Variants in GAS2 observed in about 807,000 individuals in gnomAD.
GAS2 encodes the protein growth arrest-specific protein 2.
A neutral mutation model predicts 37.5 loss-of-function variants in GAS2; 20 were observed. The ratio of observed to expected loss-of-function variants is 0.53; its 90% CI spans 0.37 to 0.77. The LOEUF is 0.77. Ranked by LOEUF, GAS2 falls within the 30% of genes least tolerant of loss-of-function variation. GAS2 has a pLI of 0.00. For synonymous variants in GAS2, 144 were observed against 132.2 expected (o/e 1.09, Z -0.61); for missense variants, 336 against 373.4 (o/e 0.90, Z 0.82).
rs139513113 is a variant in GAS2, at chr11:22,711,496, G to A, written c.268-14796G>A. On this transcript the variant is annotated intron_variant, in intron 3 of 7. Transcript: ENST00000454584. ...TTCCTGAGCAGAATCAGGGGGAGAC[G>A]GGGAAAACAGGTAGTGCAGATACAA... 9.9e-5 allele frequency among the ~76,000 whole-genome samples: 15 copies of A among 152,272 alleles called. No homozygotes were observed. The East Asian group carries it at 2.9e-3, about 29-fold the overall frequency.
At chr11:22,778,152 G>A (rs1243610786) in intron 7 of GAS2, among the ~76,000 whole-genome samples, 2 of 152,144 alleles carry the variant, frequency 1.3e-5, no homozygotes, top group Admixed American at 6.5e-5. Flanking sequence ...CAGCTTAAAA[G>A]AGTTTTCTCA....
At chr11:22,758,555 G>C (rs1854177841) in intron 7 of GAS2, among the ~76,000 whole-genome samples, 1 of 152,080 alleles carries the variant, frequency 6.6e-6, no homozygotes, top group Non-Finnish European at 1.5e-5. Context: ...TAATGAGACT[G>C]TTTACCTTTA....
chr11:22,659,995 C>T (rs1013608923), intron 1 of GAS2, among the ~76,000 whole-genome samples: 3 of 152,194 alleles, frequency 2.0e-5, no homozygotes, highest in East Asian at 1.9e-4. Context: ...GAAGTTGCTT[C>T]CCATTTGTGT....
In GAS2 at chr11:22,712,998, A is replaced by T. The variant is rs12221849; in HGVS notation, c.268-13294A>T. On this transcript the variant is annotated intron_variant, in intron 3 of 7. Transcript: ENST00000454584. ...GAGGCTGAGGCATAAGAATTGCTTGAACCCCGGAGACAGAGCCAAGATTGT... is the reference window on the plus strand; with the variant it reads ...GAGGCTGAGGCATAAGAATTGCTTGTACCCCGGAGACAGAGCCAAGATTGT... 2.0e-3 allele frequency among the ~76,000 whole-genome samples: 301 copies of T among 151,282 alleles called. 8 individuals are homozygous for T. The East Asian group carries it at 0.049, about 25-fold the overall frequency.
At chr11:22,626,879 G>A (rs751905742) in intron 1 of GAS2, 6 of 152,230 alleles carry the variant, frequency 3.9e-5, no homozygotes, top group Non-Finnish European at 8.8e-5. Context: ...AAGCAGTGAT[G>A]TGCATGCTGT....
intron 1 of GAS2, among the ~76,000 whole-genome samples, chr11:22,656,626 T>C (rs756557229): frequency 6.6e-6 from 1 of 152,172 alleles, no homozygotes; most frequent in Non-Finnish European, 1.5e-5. Context: ...TAAAGCAGCA[T>C]TAACATATAA....
At chr11:22,626,240 A>G (rs774125709) in intron 1 of GAS2, 37 of 225,130 alleles carry the variant, frequency 1.6e-4, no homozygotes, top group Non-Finnish European at 2.8e-4. Context: ...TCTTAAATGA[A>G]ATTTTAAGAT....
intron 1 of GAS2, among the ~76,000 whole-genome samples, chr11:22,670,479 G>T (rs532765880): frequency 2.0e-5 from 3 of 151,912 alleles, no homozygotes; most frequent in Admixed American, 1.3e-4. Flanking sequence ...TGTTCTCCCC[G>T]TTGTCCTTTG....
intron 3 of GAS2, among the ~76,000 whole-genome samples, chr11:22,707,553 G>C (rs962503714): frequency 1.3e-5 from 2 of 152,094 alleles, no homozygotes; most frequent in Admixed American, 6.6e-5. Flanking sequence ...GTTCTTGTAA[G>C]GGTTCAGGAA....
chr11:22,694,088 A>G (rs148893098), intron 3 of GAS2, among the ~76,000 whole-genome samples: 94 of 152,272 alleles, frequency 6.2e-4, no homozygotes, highest in African/African-American at 2.2e-3. Flanking sequence ...TGGGTGATTA[A>G]ATAATCTGCA....
At chr11:22,737,347 A>G (rs780809491) in intron 4 of GAS2, among the ~76,000 whole-genome samples, 9 of 152,138 alleles carry the variant, frequency 5.9e-5, no homozygotes, top group African/African-American at 1.4e-4. Context: ...TTAAATATCA[A>G]TTATTGACAG....
chr11:22,695,688 C>A (rs1414438244), intron 3 of GAS2, among the ~76,000 whole-genome samples: 1 of 152,122 alleles, frequency 6.6e-6, no homozygotes, highest in Non-Finnish European at 1.5e-5. Flanking sequence ...GTGGAAAATT[C>A]TTCCATATTC....
In GAS2 at chr11:22,789,299, T is replaced by TACAC. The variant is rs1466662570; in HGVS notation, c.724-22498_724-22497insCACA. ...TAGATTTCATATATATATATATATA[T>TACAC]ATATACACACACACACACACACACA... On this transcript the variant is annotated intron_variant, in intron 7 of 7. Transcript: ENST00000454584. 6.6e-3 allele frequency among the ~76,000 whole-genome samples: 654 copies of TACAC among 99,622 alleles called. 3 individuals carry two copies. The highest frequency in any genetic ancestry group is 9.7e-3 in the Non-Finnish European group (515 of 52,940). The allele number at this position is 99,622 out of a possible 152,430, so 65.4% of individuals were successfully genotyped here.
At position 22,691,967 on chromosome 11, in the gene GAS2, G is replaced by GT. The variant is rs567851054; in HGVS notation, c.267+6187dup. On this transcript the variant is annotated intron_variant, in intron 3 of 7. Transcript: ENST00000454584. ...TGAAATGTCTTGCTTAATGTTTTTT[G>GT]TTTTTTTTTCCACTGAGAGTTTCTG... Among the ~76,000 whole-genome samples the GT allele has an allele frequency of 6.5e-4, 97 of 150,306 alleles. 1 individual carries two copies. In the South Asian group the frequency reaches 8.5e-3, roughly 13 times the overall value.
chr11:22,737,748 G>T lies in GAS2; in HGVS notation c.453G>T (p.Glu151Asp), dbSNP rs919804537. 6.2e-7 allele frequency: 1 copy of T among 1,614,156 alleles called. No individual in the cohort carries two copies. The highest frequency in any genetic ancestry group is 8.5e-7 in the Non-Finnish European group (1 of 1,180,004). ...QPREVCLCLLELGRIAARYGV... is the reference protein window; with the variant it reads ...QPREVCLCLLDLGRIAARYGV... ...GAGAAGTGTGTCTCTGTCTGCTAGA[G>T]CTTGGCCGGATTGCAGCCAGGTAGG... is the stretch of plus-strand genomic sequence containing the variant. The change falls in exon 5 of 8, where the codon GAG becomes GAT. Residue 151 changes from glutamate to aspartate, a missense_variant. Coordinates refer to ENST00000454584, the MANE Select transcript of GAS2 (RefSeq NM_001143830.3).
intron 7 of GAS2, among the ~76,000 whole-genome samples, chr11:22,768,105 T>C (rs1224325061): frequency 6.6e-6 from 1 of 152,210 alleles, no homozygotes; most frequent in African/African-American, 2.4e-5. Context: ...GGGTGTACAG[T>C]GTTTCATGAT....
chr11:22,726,126 A>T (rs969856469), intron 3 of GAS2, among the ~76,000 whole-genome samples, 166 bp from the exon 4 acceptor site: 8 of 152,130 alleles, frequency 5.3e-5, no homozygotes, highest in African/African-American at 1.7e-4. Flanking sequence ...TCAGTCCCTT[A>T]CTGCCAGGTT....
intron 1 of GAS2, among the ~76,000 whole-genome samples, chr11:22,659,242 C>T (rs1331135396): frequency 1.3e-5 from 2 of 152,170 alleles, no homozygotes; most frequent in Non-Finnish European, 2.9e-5. Flanking sequence ...TCTAATCCAA[C>T]TCTGAATCTT....
intron 3 of GAS2, among the ~76,000 whole-genome samples, chr11:22,699,015 C>T (rs998690944): frequency 6.6e-6 from 1 of 151,866 alleles, no homozygotes; most frequent in African/African-American, 2.4e-5. Flanking sequence ...AGGAAAGCAC[C>T]CAAATAAAAT....
Sources: allele counts gnomAD v4.1 joint callset (sites outside exome capture counted in the v4.1 genomes callset), GRCh38; gene constraint gnomAD v4.1.1; transcripts MANE v1.5; gene names NCBI Gene and HGNC (gene_info 2026-07-23, HGNC 2026-07-21).